PCSK5: variants seen among roughly 807,000 people sequenced by gnomAD.
PCSK5 encodes the protein prohormone convertase 5.
Under a neutral mutation model 233.2 loss-of-function variants are expected in PCSK5, and 129 were observed. The ratio of observed to expected loss-of-function variants is 0.55; its 90% CI spans 0.48 to 0.64. PCSK5 has a LOEUF of 0.64. Ranked by LOEUF, PCSK5 falls within the 30% of genes least tolerant of loss-of-function variation. The pLI, the probability that PCSK5 is intolerant of heterozygous loss-of-function variation, is 0.00. For missense variants in PCSK5, 2,076 were observed against 2,430.1 expected, an observed-to-expected ratio of 0.85 and a Z score of 3.06; for synonymous variants, 825 against 879.2, an observed-to-expected ratio of 0.94 and a Z score of 1.09.
intron 3 of PCSK5, among the ~76,000 whole-genome samples, chr9:75,994,103 T>G (rs1358754375): frequency 1.3e-5 from 2 of 152,156 alleles, no homozygotes; most frequent in African/African-American, 4.8e-5. Flanking sequence ...GTCTCAGGTC[T>G]GCTATGTTAA....
At chr9:75,908,937 C>CTCTG (rs1554704542) in intron 1 of PCSK5, among the ~76,000 whole-genome samples, 2,698 of 89,534 alleles carry the variant, frequency 0.03, 38 homozygotes, top group African/African-American at 0.04. Flanking sequence ...CTATCTCTCT[C>CTCTG]TCTGTCTATC....
intron 24 of PCSK5, among the ~76,000 whole-genome samples, chr9:76,253,474 T>G (rs1587807513): frequency 1.3e-5 from 2 of 152,170 alleles, no homozygotes; most frequent in East Asian, 3.9e-4. Flanking sequence ...TAAGAAGACA[T>G]AAAACCTTTA....
At chr9:76,326,864 G>A (rs1295058201) in intron 32 of PCSK5, among the ~76,000 whole-genome samples, 1 of 152,150 alleles carries the variant, frequency 6.6e-6, no homozygotes, top group Non-Finnish European at 1.5e-5. Flanking sequence ...GCAGGATGGA[G>A]ATAAAACTTG....
intron 4 of PCSK5, among the ~76,000 whole-genome samples, chr9:76,026,369 C>T (rs1443861103): frequency 6.6e-6 from 1 of 152,148 alleles, no homozygotes; most frequent in Non-Finnish European, 1.5e-5. Flanking sequence ...AAATTATGGA[C>T]TCCTTTATAG....
rs1467403472 is a variant in PCSK5 at position 75,955,643 on chromosome 9, A to G, written c.297+23160A>G. 2.0e-5 allele frequency among the ~76,000 whole-genome samples: 3 copies of G among 147,210 alleles called. 1 individual carries two copies. The highest frequency in any genetic ancestry group is 4.4e-4 in the South Asian group (2 of 4,578). ...TGTATATACTAACTCAGTGTTTCTC[A>G]GCTTTTTTTTTTGTTCCTATTATTG... is the stretch of plus-strand genomic sequence containing the variant. On this transcript the variant is annotated intron_variant, in intron 2 of 37. Coordinates refer to ENST00000674117, the MANE Select transcript of PCSK5 (RefSeq NM_001372043.1).
At chr9:76,109,773 C>T (rs937026611) in intron 9 of PCSK5, among the ~76,000 whole-genome samples, 1 of 151,998 alleles carries the variant, frequency 6.6e-6, no homozygotes, top group Non-Finnish European at 1.5e-5. Context: ...TTTGTAACTC[C>T]ATTGGTTTGT....
chr9:76,192,067 C>CTCAA lies in PCSK5; in HGVS notation c.2626+2321_2626+2322insTCAA, dbSNP rs1824415215. 7.9e-5 allele frequency among the ~76,000 whole-genome samples: 8 copies of CTCAA among 101,228 alleles called. No homozygotes were observed. The Admixed American group carries it at 8.9e-4, about 11-fold the overall frequency. The allele number at this position is 101,228 out of a possible 152,430, so 66.4% of individuals were successfully genotyped here. On this transcript the variant is annotated intron_variant, in intron 20 of 37. Transcript: ENST00000674117. ...CCTAGGCAACAGAGCAAGACTGTCT[C>CTCAA]AAAAAAAAAAAAAAAAAAAAGAAGT...
In PCSK5 at chr9:75,898,870, C is replaced by G. The variant is rs539053868; in HGVS notation, c.192+7497C>G. ...GAAAACATTCTCTGTTCTTGAGAAG[C>G]TAGAACATTTTCACCTATAATTATC... On this transcript the variant is annotated intron_variant, in intron 1 of 37. Coordinates refer to ENST00000674117, the MANE Select transcript of PCSK5 (RefSeq NM_001372043.1). Among the ~76,000 whole-genome samples, 52 of 152,296 alleles carry G rather than the reference C, an allele frequency of 3.4e-4. 1 individual carries two copies. Among genetic ancestry groups the G allele is most frequent in the Middle Eastern group, 6.8e-3 (2 of 294 alleles).
At chr9:76,158,378 G>T (rs1004865649) in intron 11 of PCSK5, among the ~76,000 whole-genome samples, 1 of 152,148 alleles carries the variant, frequency 6.6e-6, no homozygotes, top group Non-Finnish European at 1.5e-5. Flanking sequence ...AAGTCCCCAA[G>T]GTGGGAAACT....
intron 7 of PCSK5, among the ~76,000 whole-genome samples, chr9:76,073,626 A>G (rs1397329791): frequency 6.6e-6 from 1 of 152,202 alleles, no homozygotes. Context: ...TCATAAAATT[A>G]TATGTATATG....
intron 9 of PCSK5, among the ~76,000 whole-genome samples, chr9:76,129,345 G>A (rs1430171885): frequency 6.6e-6 from 1 of 152,160 alleles, no homozygotes; most frequent in Non-Finnish European, 1.5e-5. Flanking sequence ...TTGCGATGCT[G>A]ATTGATCATG....
intron 12 of PCSK5, among the ~76,000 whole-genome samples, chr9:76,160,680 C>T (rs1822815452): frequency 6.6e-6 from 1 of 152,218 alleles, no homozygotes; most frequent in South Asian, 2.1e-4. Flanking sequence ...TTTTAAAAAT[C>T]CCTAACTTCA....
intron 35 of PCSK5, among the ~76,000 whole-genome samples, chr9:76,345,039 C>A (rs773670722): frequency 6.6e-6 from 1 of 152,050 alleles, no homozygotes; most frequent in Admixed American, 6.6e-5. Flanking sequence ...AGGTATAGTG[C>A]ATGATGCTGA....
chr9:76,095,772 A>G (rs2131649762), intron 7 of PCSK5, 118 bp from the exon 8 acceptor site: 1 of 834,466 alleles, frequency 1.2e-6, no homozygotes, highest in Non-Finnish European at 2.0e-6. Flanking sequence ...GCTTAAGCCC[A>G]GCATATTAAG....
At chr9:76,167,641 C>T (rs1564075328) in intron 12 of PCSK5, among the ~76,000 whole-genome samples, 1 of 152,074 alleles carries the variant, frequency 6.6e-6, no homozygotes, top group African/African-American at 2.4e-5. Context: ...TGATAAAATA[C>T]GTTTTTAAAA....
chr9:76,180,775 C>G (rs1823830714), intron 15 of PCSK5, among the ~76,000 whole-genome samples: 1 of 152,160 alleles, frequency 6.6e-6, no homozygotes, highest in Non-Finnish European at 1.5e-5. Context: ...CTTTGGCTAT[C>G]TCCCAGCCTC....
chr9:76,165,254 T>A (rs1823042020), intron 12 of PCSK5, among the ~76,000 whole-genome samples: 1 of 152,222 alleles, frequency 6.6e-6, no homozygotes, highest in African/African-American at 2.4e-5. Flanking sequence ...TAGCCTGATG[T>A]CTAGTTCTGT....
chr9:76,342,489 C>A (rs1829863561), intron 35 of PCSK5, among the ~76,000 whole-genome samples: 1 of 152,196 alleles, frequency 6.6e-6, no homozygotes, highest in African/African-American at 2.4e-5. Context: ...TTCCCCCACA[C>A]TGGGAGAAGA....
chr9:75,905,797 T>C (rs1826242070), intron 1 of PCSK5, among the ~76,000 whole-genome samples: 1 of 152,128 alleles, frequency 6.6e-6, no homozygotes, highest in Non-Finnish European at 1.5e-5. Context: ...TATGAGAATC[T>C]AACTAATGCC....
Sources: allele counts gnomAD v4.1 joint callset (sites outside exome capture counted in the v4.1 genomes callset), GRCh38; gene constraint gnomAD v4.1.1; transcripts MANE v1.5; gene names NCBI Gene and HGNC (gene_info 2026-07-23, HGNC 2026-07-21).